Variants in SMARCA4 observed in about 807,000 individuals in gnomAD.
SMARCA4 encodes SWI/SNF-related matrix-associated actin-dependent regulator of chromatin subfamily A member 4.
A neutral mutation model predicts 193.9 loss-of-function variants in SMARCA4; 31 were observed. That is an observed-to-expected ratio of 0.16 (90% CI 0.12 to 0.22). The LOEUF (loss-of-function observed/expected upper bound fraction) is 0.22. Ranked by LOEUF, SMARCA4 falls within the 10% of genes least tolerant of loss-of-function variation. The pLI, the probability that SMARCA4 is intolerant of heterozygous loss-of-function variation, is 1.00. For synonymous variants in SMARCA4, 942 were observed against 933.1 expected (o/e 1.01, Z -0.17); for missense variants, 1,148 against 2,296.0 (o/e 0.50, Z 10.22).
intron 30 of SMARCA4, among the ~76,000 whole-genome samples, chr19:11,052,786 G>T (rs1012269807): frequency 6.6e-6 from 1 of 152,264 alleles, no homozygotes; most frequent in East Asian, 1.9e-4. Flanking sequence ...ACTCAGGACC[G>T]ACTGCACCTG....
At chr19:11,049,016 T>A (rs1897257239) in intron 30 of SMARCA4, among the ~76,000 whole-genome samples, 1 of 152,132 alleles carries the variant, frequency 6.6e-6, no homozygotes, top group African/African-American at 2.4e-5. Flanking sequence ...GGGGCCACAG[T>A]AGGAACAGGC....
At chr19:11,053,734 A>AC (rs1464687120) in intron 30 of SMARCA4, among the ~76,000 whole-genome samples, 1 of 151,982 alleles carries the variant, frequency 6.6e-6, no homozygotes, top group Non-Finnish European at 1.5e-5. Context: ...ACCTAGTGAG[A>AC]CCCCATCTCT....
chr19:11,022,040 C>T (rs1050791480), intron 19 of SMARCA4, 73 bp downstream of exon 19: 12 of 1,600,064 alleles, frequency 7.5e-6, no homozygotes, highest in African/African-American at 4.0e-5. Context: ...ACGTGTTGAG[C>T]ACCAGCTACA....
rs1389259404 is a variant in SMARCA4, at chr19:11,019,827, A to G, written c.2616+126A>G. The G allele has an allele frequency of 1.6e-5, 12 of 734,688 alleles. No individual in the cohort carries two copies. The highest frequency in any genetic ancestry group is 2.9e-5 in the Non-Finnish European group (12 of 413,550). The allele number at this position is 734,688 out of a possible 1,614,324, so 45.5% of individuals were successfully genotyped here. The stretch of plus-strand genomic sequence containing the variant: ...GTCCCACCTGCATGTGCGTGAAGAC[A>G]GCTGCCCTGTGTAGGGGAAAGGCCT... On this transcript the variant is annotated intron_variant, in intron 18 of 34. Transcript: ENST00000344626. This position sits in a 1 kb window ranked among gnomAD's most constrained non-coding sequence, Gnocchi z 6.1.
At position 10,994,945 on chromosome 19, in the gene SMARCA4, C is replaced by A. The variant is rs1207620630; in HGVS notation, c.1537C>A (p.Arg513=). 3 of 1,614,010 alleles carry A rather than the reference C, an allele frequency of 1.9e-6. No individual in the cohort carries two copies. The highest frequency in any genetic ancestry group is 3.3e-5 in the Admixed American group (2 of 59,990). Residue 513 remains arginine, a synonymous_variant, in exon 9 of 35, where the codon CGG becomes AGG. Transcript: ENST00000344626. ...GGCCACGTACCATGCCAACACGGAG[C>A]GGGAGCAGAAGAAAGAGAACGAGCG... ...AVATYHANTE[R]EQKKENERIE...
chr19:10,989,564 G>A (rs1007206812), intron 7 of SMARCA4, 121 bp downstream of exon 7: 9 of 1,175,396 alleles, frequency 7.7e-6, no homozygotes, highest in Non-Finnish European at 1.1e-5. Context: ...AAAAGCAGCC[G>A]TGGCCATCCA....
At position 10,991,013 on chromosome 19, in the gene SMARCA4, T is replaced by A. The variant is rs2086511063; in HGVS notation, c.1246-137T>A. The A allele has an allele frequency of 2.1e-6, 3 of 1,414,928 alleles. No individual in the cohort carries two copies. The African/African-American group carries it at 4.2e-5, about 20-fold the overall frequency. 87.6% of individuals were successfully genotyped at this position (1,414,928 alleles called of 1,614,324 possible). A position where few individuals can be genotyped will look rare whatever the true frequency, so the allele number is the denominator to read the frequency against. ...CCGGGGGCACCTGCTAGACGTCCCC[T>A]GCACACACGGACTGGGTGTGTAAGG... On this transcript the variant is annotated intron_variant, in intron 7 of 34. Transcript: ENST00000344626.
chr19:10,987,309 A>G lies in SMARCA4; in HGVS notation c.859+306A>G, dbSNP rs1218848090. Among the ~76,000 whole-genome samples the G allele has an allele frequency of 8.5e-5, 13 of 152,106 alleles. No homozygotes were observed. The highest frequency in any genetic ancestry group is 2.9e-5 in the Non-Finnish European group (2 of 68,008). Reference sequence around the variant, plus strand: ...AAAGAGGCAGTGGGACTCATTACCCATCCTCTTGGAGCCTGAGGTTTAGCG... The same window carrying G: ...AAAGAGGCAGTGGGACTCATTACCCGTCCTCTTGGAGCCTGAGGTTTAGCG... On this transcript the variant is annotated intron_variant, in intron 5 of 34. Coordinates refer to ENST00000344626, the MANE Select transcript of SMARCA4 (RefSeq NM_003072.5). This position sits in a 1 kb window ranked among gnomAD's most constrained non-coding sequence, Gnocchi z 5.3.
Position 11,060,555 on chromosome 19 carries a change from G to A in SMARCA4, c.4911+368G>A, listed in dbSNP as rs186915228. The A allele has an allele frequency of 1.2e-3, 469 of 400,454 alleles. 7 individuals carry two copies. The Admixed American group carries it at 0.015, about 13-fold the overall frequency. 24.8% of individuals were successfully genotyped at this position (400,454 alleles called of 1,614,324 possible). On this transcript the variant is annotated intron_variant, in intron 34 of 34. Transcript: ENST00000344626. Reference sequence around the variant, plus strand: ...AGGTGCTAGGATTGGGGACCCACCAGACAGTGCCCCGTCTCCTCAGTGGCA... The same window carrying A: ...AGGTGCTAGGATTGGGGACCCACCAAACAGTGCCCCGTCTCCTCAGTGGCA...
At chr19:11,057,016 TAAGGA>T (rs1188959500) in intron 30 of SMARCA4, among the ~76,000 whole-genome samples, 3 of 152,150 alleles carry the variant, frequency 2.0e-5, no homozygotes, top group African/African-American at 7.2e-5. Context: ...GGAAAGAACA[TAAGGA>T]AAGAAGCGGT....
chr19:11,017,920 A>G (rs11085754), intron 16 of SMARCA4, among the ~76,000 whole-genome samples: 62,097 of 151,828 alleles, frequency 0.41, 12,929 homozygotes, highest in East Asian at 0.57. Flanking sequence ...GTGGGCAGGA[A>G]AGAGTTCTAG....
Position 10,984,459 on chromosome 19 carries a change from G to A in SMARCA4, c.222+86G>A, listed in dbSNP as rs2145730993. ...CTCTGGACCGAGGGCCTTACTTGGA[G>A]GATGGGGGGAAGCCTTCTTGTTGGA... On this transcript the variant is annotated intron_variant, in intron 2 of 34. Coordinates refer to ENST00000344626, the MANE Select transcript of SMARCA4 (RefSeq NM_003072.5). The surrounding 1 kb of genome is among the most constrained non-coding windows in gnomAD (Gnocchi z 4.3). 3 of 1,547,744 alleles carry A rather than the reference G, an allele frequency of 1.9e-6. No individual in the cohort carries two copies. Among genetic ancestry groups the A allele is most frequent in the Non-Finnish European group, 2.6e-6 (3 of 1,146,290 alleles).
rs1201916615 is a variant in SMARCA4, at chr19:11,059,782, G to T, written c.4665G>T (p.Ser1555=). 1 of 1,598,828 alleles carries T rather than the reference G, an allele frequency of 6.3e-7. No individual in the cohort carries two copies. The highest frequency in any genetic ancestry group is 1.1e-5 in the South Asian group (1 of 88,826). The change falls in exon 33 of 35, where the codon TCG becomes TCT. Residue 1555 remains serine, a synonymous_variant. Coordinates refer to ENST00000344626, the MANE Select transcript of SMARCA4 (RefSeq NM_003072.5). ...ATGAAGACTCCATCGTCTTGCAGTC[G>T]GTCTTCACCAGCGTGCGGCAGAAAA... ...LIYEDSIVLQ[S]VFTSVRQKIE... is the part of the protein sequence containing the mutation.
At chr19:10,978,689 C>T (rs1483506224) in intron 1 of SMARCA4, among the ~76,000 whole-genome samples, 2 of 151,810 alleles carry the variant, frequency 1.3e-5, no homozygotes. Context: ...CCTGTAATCC[C>T]AGCACTTCTG....
intron 14 of SMARCA4, among the ~76,000 whole-genome samples, chr19:11,009,391 G>C (rs1279102936): frequency 2.0e-5 from 3 of 152,128 alleles, no homozygotes; most frequent in African/African-American, 7.2e-5. Flanking sequence ...CTCTGGTTTT[G>C]TATGAACCTG....
intron 1 of SMARCA4, among the ~76,000 whole-genome samples, chr19:10,971,721 ACCT>A (rs1463161855): frequency 1.4e-5 from 2 of 148,066 alleles, no homozygotes; most frequent in Non-Finnish European, 3.0e-5. Flanking sequence ...ACCTGCCTCA[ACCT>A]CCCAAAGTGC....
chr19:10,991,371 C>T (rs765431577), intron 8 of SMARCA4, 48 bp downstream of exon 8: 2 of 1,554,954 alleles, frequency 1.3e-6, no homozygotes, highest in Non-Finnish European at 1.7e-6. Flanking sequence ...ACCTGGCTGC[C>T]TGGCTTGTCC....
chr19:10,974,687 ATATTTTTTTTTTTTTTTTTTT>A (rs1287793320), intron 1 of SMARCA4, among the ~76,000 whole-genome samples: 3 of 46,224 alleles, frequency 6.5e-5, no homozygotes, highest in African/African-American at 2.9e-4. Flanking sequence ...ATATATATAT[ATATTTTTTTTTTTTTTTTTTT>A]TTTTTTTTTT....
rs1600586920 is a variant in SMARCA4 at position 11,053,987 on chromosome 19, C to T, written c.4425-4268C>T. Among the ~76,000 whole-genome samples the T allele has an allele frequency of 2.0e-5, 3 of 152,170 alleles. No individual in the cohort carries two copies. In the East Asian group the frequency reaches 5.8e-4, roughly 29 times the overall value. ...AGTAGTGCATCCAGCAAAGGACTCC[C>T]CAGGGAAGGAAATGGGCCAAAGATG... On this transcript the variant is annotated intron_variant, in intron 30 of 34. Transcript: ENST00000344626.
Sources: gnomAD v4.1 joint callset for allele counts (sites outside exome capture counted in the v4.1 genomes callset) on GRCh38, gnomAD v4.1.1 for gene constraint, Gnocchi (gnomAD v3.1) non-coding constraint, MANE v1.5 for transcripts, NCBI Gene and HGNC (gene_info 2026-07-23, HGNC 2026-07-21) for gene names.